The following PTPRN2 variants were observed in gnomAD, a reference collection of about 807,000 sequenced individuals.
PTPRN2 encodes the protein receptor-type tyrosine-protein phosphatase N2.
A neutral mutation model predicts 118.8 loss-of-function variants in PTPRN2; 74 were observed. The ratio of observed to expected loss-of-function variants is 0.62; its 90% CI spans 0.52 to 0.76. The LOEUF (loss-of-function observed/expected upper bound fraction) is 0.76. Among genes scored for constraint, PTPRN2 ranks in the 30% least tolerant of loss-of-function variants. PTPRN2 has a pLI of 0.00. For missense variants in PTPRN2, 1,481 were observed against 1,394.4 expected, an observed-to-expected ratio of 1.06 and a Z score of -0.99; for synonymous variants, 641 against 608.0, an observed-to-expected ratio of 1.05 and a Z score of -0.80.
chr7:157,650,303 C>T (rs1016617535), intron 14 of PTPRN2, among the ~76,000 whole-genome samples: 3 of 152,254 alleles, frequency 2.0e-5, no homozygotes, highest in Non-Finnish European at 2.9e-5. Flanking sequence ...CCCCCACCCG[C>T]CGTGCTGGGA....
At chr7:158,144,467 A>G (rs905987728) in intron 6 of PTPRN2, among the ~76,000 whole-genome samples, 17 of 152,180 alleles carry the variant, frequency 1.1e-4, no homozygotes, top group African/African-American at 2.4e-4. Flanking sequence ...GTGAAACTCC[A>G]TCTCTACTAA....
At chr7:157,630,675 T>C (rs1011973823) in intron 14 of PTPRN2, among the ~76,000 whole-genome samples, 4 of 152,156 alleles carry the variant, frequency 2.6e-5, no homozygotes, top group African/African-American at 9.7e-5. Context: ...GAAGTGTGCC[T>C]GCATGCCAGG....
At chr7:157,768,342 G>A (rs1276227067) in intron 12 of PTPRN2, among the ~76,000 whole-genome samples, 1 of 152,192 alleles carries the variant, frequency 6.6e-6, no homozygotes, top group Non-Finnish European at 1.5e-5. Flanking sequence ...ATCTGAGTGT[G>A]TTCACTGAAG....
chr7:158,341,645 C>T (rs560016597), intron 2 of PTPRN2, among the ~76,000 whole-genome samples: 2 of 78,666 alleles, frequency 2.5e-5, no homozygotes, highest in Non-Finnish European at 5.1e-5. Flanking sequence ...CACATGCAGA[C>T]GTCACTCACA....
chr7:157,818,526 G>A (rs575041189), intron 12 of PTPRN2, among the ~76,000 whole-genome samples: 5 of 152,216 alleles, frequency 3.3e-5, no homozygotes, highest in Admixed American at 1.3e-4. Context: ...AAGAGAGGGC[G>A]TGGCCTGAGC....
Position 158,587,631 on chromosome 7 carries a change from C to CAGCAGT in PTPRN2, c.33_38dup (p.Leu14_Leu15dup), listed in dbSNP as rs753967844. 74 of 1,367,880 alleles carry CAGCAGT rather than the reference C, an allele frequency of 5.4e-5. No homozygotes were observed. The highest frequency in any genetic ancestry group is 6.8e-5 in the Non-Finnish European group (72 of 1,063,978). 84.7% of individuals were successfully genotyped at this position (1,367,880 alleles called of 1,614,324 possible). On this transcript the variant is annotated inframe_insertion, in exon 1 of 23. Transcript: ENST00000389418. ...CAGGCAGGACGCGTGGCGGCAGCAG[C>CAGCAGT]AGCAGTAGCAGCAGCAGCAGCGGGA...
rs187234157 is a variant in PTPRN2 at position 157,805,660 on chromosome 7, G to A, written c.1788+93013C>T. On this transcript the variant is annotated intron_variant, in intron 12 of 22. Transcript: ENST00000389418. The stretch of plus-strand genomic sequence containing the variant: ...TTTGCCAGTTAAGCGGTGGGGGCAG[G>A]GCAGGCCTTGGTCAATATTTGAGTA... Among the ~76,000 whole-genome samples, 64 of 152,270 alleles carry A rather than the reference G, an allele frequency of 4.2e-4. No homozygotes were observed. In the East Asian group the frequency reaches 0.01, roughly 24 times the overall value.
intron 3 of PTPRN2, among the ~76,000 whole-genome samples, chr7:158,261,582 A>G (rs902995426): frequency 4.3e-4 from 66 of 152,250 alleles, no homozygotes; most frequent in African/African-American, 1.5e-3. Context: ...GGGGGACTCC[A>G]GCCACCCATC....
intron 3 of PTPRN2, among the ~76,000 whole-genome samples, chr7:158,229,340 C>T (rs909137012): frequency 6.6e-6 from 1 of 152,054 alleles, no homozygotes; most frequent in Non-Finnish European, 1.5e-5. Context: ...AGGACACAGA[C>T]ACACATCAAC....
intron 10 of PTPRN2, among the ~76,000 whole-genome samples, chr7:158,091,322 T>C (rs913063191): frequency 6.6e-6 from 1 of 152,228 alleles, no homozygotes; most frequent in Admixed American, 6.5e-5. Flanking sequence ...AAGGCATATA[T>C]GGCAACAAAT....
In PTPRN2 at chr7:157,977,546, A is replaced by G. The variant is rs1462939557; in HGVS notation, c.1724-78809T>C. Among the ~76,000 whole-genome samples, 2 of 150,960 alleles carry G rather than the reference A, an allele frequency of 1.3e-5. No individual in the cohort carries two copies. Among genetic ancestry groups the G allele is most frequent in the Admixed American group, 1.3e-4 (2 of 15,192 alleles). The stretch of plus-strand genomic sequence containing the variant: ...CAGGTGGGATGACGTGAGTGTGTTC[A>G]TGGAGTAGTGTACAAGGCCCCAGGT... On this transcript the variant is annotated intron_variant, in intron 11 of 22. Transcript: ENST00000389418. This position sits in a 1 kb window ranked among gnomAD's most constrained non-coding sequence, Gnocchi z 4.6.
rs1033307342 is a variant in PTPRN2 at position 157,986,267 on chromosome 7, G to C, written c.1724-87530C>G. 3.9e-5 allele frequency among the ~76,000 whole-genome samples: 6 copies of C among 152,198 alleles called. No homozygotes were observed. The highest frequency in any genetic ancestry group is 7.3e-5 in the Non-Finnish European group (5 of 68,036). On this transcript the variant is annotated intron_variant, in intron 11 of 22. Coordinates refer to ENST00000389418, the MANE Select transcript of PTPRN2 (RefSeq NM_002847.5). The surrounding 1 kb of genome is among the most constrained non-coding windows in gnomAD (Gnocchi z 4.5). The stretch of plus-strand genomic sequence containing the variant: ...CTGTTGGATGTGAGGCAACGTGAAG[G>C]CTCCACCACTAGGACCCAGGCAAGA...
chr7:158,149,212 G>T (rs1350447483), intron 6 of PTPRN2, among the ~76,000 whole-genome samples: 5 of 150,602 alleles, frequency 3.3e-5, no homozygotes, highest in Non-Finnish European at 2.9e-5. Context: ...CGAGTGTCTG[G>T]GCTGACCTGC....
At chr7:157,775,092 C>T (rs2151034721) in intron 12 of PTPRN2, among the ~76,000 whole-genome samples, 1 of 152,256 alleles carries the variant, frequency 6.6e-6, no homozygotes, top group South Asian at 2.1e-4. Context: ...TCCCTCAGTC[C>T]TCAGGAAGGA....
chr7:158,038,614 C>T (rs1370254943), intron 11 of PTPRN2, among the ~76,000 whole-genome samples: 1 of 150,736 alleles, frequency 6.6e-6, no homozygotes, highest in Non-Finnish European at 1.5e-5. Flanking sequence ...TAATTACATA[C>T]ATTTTATAAT....
intron 5 of PTPRN2, among the ~76,000 whole-genome samples, chr7:158,168,824 C>T (rs867025488): frequency 2.0e-5 from 3 of 152,200 alleles, no homozygotes; most frequent in Non-Finnish European, 4.4e-5. Flanking sequence ...GCTGTCCTCA[C>T]CTCTAGGGCA....
chr7:157,933,296 TTGAC>T (rs1442964762), intron 11 of PTPRN2, among the ~76,000 whole-genome samples: 16 of 118,176 alleles, frequency 1.4e-4, no homozygotes, highest in African/African-American at 8.3e-4. Flanking sequence ...GTCACTCTGA[TTGAC>T]AGTTTTAGAG....
chr7:158,180,188 A>C (rs1302848194), intron 5 of PTPRN2, among the ~76,000 whole-genome samples: 1 of 152,262 alleles, frequency 6.6e-6, no homozygotes, highest in Non-Finnish European at 1.5e-5. Context: ...TCATTCTTCT[A>C]CATGTGGCTA....
Position 158,525,483 on chromosome 7 carries a change from A to G in PTPRN2, c.113-35698T>C, listed in dbSNP as rs1824704404. 6.6e-6 allele frequency among the ~76,000 whole-genome samples: 1 copy of G among 152,160 alleles called. No individual in the cohort carries two copies. Among genetic ancestry groups the G allele is most frequent in the South Asian group, 2.1e-4 (1 of 4,830 alleles). On this transcript the variant is annotated intron_variant, in intron 1 of 22. Coordinates refer to ENST00000389418, the MANE Select transcript of PTPRN2 (RefSeq NM_002847.5). The surrounding 1 kb of genome is among the most constrained non-coding windows in gnomAD (Gnocchi z 4.1). The stretch of plus-strand genomic sequence containing the variant: ...TGAGCCGCTCCGCACCCCTCGCTCT[A>G]CAGCTGGACACAGGCTCTGCAGAAA...
Sources: gnomAD v4.1 joint callset for allele counts (sites outside exome capture counted in the v4.1 genomes callset) on GRCh38, gnomAD v4.1.1 for gene constraint, Gnocchi (gnomAD v3.1) non-coding constraint, MANE v1.5 for transcripts, NCBI Gene and HGNC (gene_info 2026-07-23, HGNC 2026-07-21) for gene names.